PRMT3: variants seen among roughly 807,000 people sequenced by gnomAD.
PRMT3 encodes protein arginine methyltransferase 3, also known as protein arginine N-methyltransferase 3.
In PRMT3, 62 loss-of-function variants were observed where a neutral mutation model predicts 71.9. The ratio of observed to expected loss-of-function variants is 0.86; its 90% CI spans 0.70 to 1.07. PRMT3 has a LOEUF of 1.07. Among genes scored for constraint, PRMT3 ranks in the 50% least tolerant of loss-of-function variants. The pLI is 0.00. For missense variants in PRMT3, 663 were observed against 643.0 expected, an observed-to-expected ratio of 1.03 and a Z score of -0.34; for synonymous variants, 213 against 220.4, an observed-to-expected ratio of 0.97 and a Z score of 0.30.
At chr11:20,437,121 T>G (rs1234564195) in intron 10 of PRMT3, among the ~76,000 whole-genome samples, 2 of 152,120 alleles carry the variant, frequency 1.3e-5, no homozygotes, top group Non-Finnish European at 2.9e-5. Flanking sequence ...TAATGTCTCT[T>G]TGTTTCTGAT....
intron 13 of PRMT3, among the ~76,000 whole-genome samples, chr11:20,476,317 A>C (rs568996658): frequency 8.9e-4 from 135 of 152,188 alleles, no homozygotes; most frequent in Admixed American, 1.3e-3. Context: ...ACCCTATTGC[A>C]CTCCAGTCTT....
At chr11:20,401,893 T>C (rs1057093885) in intron 7 of PRMT3, among the ~76,000 whole-genome samples, 4 of 152,198 alleles carry the variant, frequency 2.6e-5, no homozygotes, top group Non-Finnish European at 5.9e-5. Flanking sequence ...GATTTACTTT[T>C]AGGCTTACAG....
rs543642747 is a variant in PRMT3, at chr11:20,500,492, C to T, written c.1486+6238C>T. Among the ~76,000 whole-genome samples, 6 of 152,282 alleles carry T rather than the reference C, an allele frequency of 3.9e-5. No homozygotes were observed. The East Asian group carries it at 7.7e-4, about 20-fold the overall frequency. ...ATCTTTATGCTGTGTTATTTCTAAA[C>T]TTACCAAAAGGTTATATTAATCTAG... On this transcript the variant is annotated intron_variant, in intron 15 of 15. Transcript: ENST00000331079.
At chr11:20,409,389 G>A (rs1275239880) in intron 9 of PRMT3, among the ~76,000 whole-genome samples, 1 of 152,078 alleles carries the variant, frequency 6.6e-6, no homozygotes, top group African/African-American at 2.4e-5. Flanking sequence ...AGTAAGATGC[G>A]TAAGTTATAA....
intron 13 of PRMT3, among the ~76,000 whole-genome samples, chr11:20,493,602 G>A (rs1261819496): frequency 6.6e-6 from 1 of 152,028 alleles, no homozygotes; most frequent in Non-Finnish European, 1.5e-5. Flanking sequence ...GGCGAGTGAG[G>A]ATCAGTGAGG....
At chr11:20,449,214 A>G (rs988504697) in intron 10 of PRMT3, among the ~76,000 whole-genome samples, 8 of 152,156 alleles carry the variant, frequency 5.3e-5, no homozygotes, top group South Asian at 2.1e-4. Flanking sequence ...TATTAGTTCT[A>G]TATATATGCT....
At chr11:20,483,913 A>C (rs1438366767) in intron 13 of PRMT3, among the ~76,000 whole-genome samples, 1 of 152,220 alleles carries the variant, frequency 6.6e-6, no homozygotes, top group East Asian at 1.9e-4. Context: ...AGATGAGGGA[A>C]TATTTCTCTG....
At chr11:20,401,764 G>A (rs1404996059) in intron 7 of PRMT3, among the ~76,000 whole-genome samples, 1 of 152,152 alleles carries the variant, frequency 6.6e-6, no homozygotes, top group Non-Finnish European at 1.5e-5. Flanking sequence ...TTTCAACCTA[G>A]GGAATCAACT....
At chr11:20,404,211 GT>G (rs71063629) in intron 8 of PRMT3, among the ~76,000 whole-genome samples, 8 of 34,332 alleles carry the variant, frequency 2.3e-4, no homozygotes, top group African/African-American at 1.1e-3. Context: ...ACTTTTCATA[GT>G]TTTTTTTTTT....
At position 20,388,043 on chromosome 11, in the gene PRMT3, A is replaced by T. The variant is rs748806306; in HGVS notation, c.53A>T (p.Glu18Val). Residue 18 changes from glutamate (E) to valine (V), a missense_variant, in exon 2 of 16, where the codon GAG becomes GTG. By Grantham distance (121) the Glu-to-Val change is moderately radical. Coordinates refer to ENST00000331079, the MANE Select transcript of PRMT3 (RefSeq NM_005788.4). ...ATGGRGAVEN[E>V]EDLPELSDSG... ...GGCGGCCGGGGCGCTGTGGAGAATG[A>T]GGAGGACCTGCCAGAACTGTCGGAC... The T allele has an allele frequency of 6.2e-7, 1 of 1,613,992 alleles. No individual in the cohort carries two copies. Among genetic ancestry groups the T allele is most frequent in the South Asian group, 1.1e-5 (1 of 91,080 alleles).
In PRMT3 at chr11:20,397,594, T is replaced by G. The variant is rs1254072776; in HGVS notation, c.578T>G (p.Phe193Cys). The G allele has an allele frequency of 1.9e-6, 3 of 1,614,124 alleles. No homozygotes were observed. The Admixed American group carries it at 5.0e-5, about 27-fold the overall frequency. Residue 193 changes from phenylalanine (F) to cysteine (C), a missense_variant, in exon 7 of 16, where the codon TTT becomes TGT. By Grantham distance (205) the Phe-to-Cys change is radical (BLOSUM62 -2). Coordinates refer to ENST00000331079, the MANE Select transcript of PRMT3 (RefSeq NM_005788.4). ...LQKMKQFAQD[F>C]VMHTDVRTCS... The stretch of plus-strand genomic sequence containing the variant: ...GATTACAGACAATTTGCTCAGGATT[T>G]TGTGATGCACACAGATGTCAGAACC...
intron 15 of PRMT3, among the ~76,000 whole-genome samples, chr11:20,498,916 A>G (rs1191662495): frequency 6.6e-6 from 1 of 152,238 alleles, no homozygotes; most frequent in Admixed American, 6.5e-5. Flanking sequence ...GACTGGAAAT[A>G]TAAGACATGT....
chr11:20,391,285 G>A (rs925726658), intron 3 of PRMT3, among the ~76,000 whole-genome samples: 6 of 150,700 alleles, frequency 4.0e-5, no homozygotes, highest in Non-Finnish European at 7.4e-5. Context: ...CGCTCTTGTT[G>A]CCCAGGCTGG....
At chr11:20,400,043 A>G (rs1343688455) in intron 7 of PRMT3, among the ~76,000 whole-genome samples, 1 of 152,222 alleles carries the variant, frequency 6.6e-6, no homozygotes, top group Admixed American at 6.5e-5. Context: ...TTGCCAAGTT[A>G]CGTGCCTTGG....
At chr11:20,402,433 C>G (rs896313428) in intron 7 of PRMT3, among the ~76,000 whole-genome samples, 1 of 151,764 alleles carries the variant, frequency 6.6e-6, no homozygotes, top group Non-Finnish European at 1.5e-5. Context: ...ATTTTTATTT[C>G]TATTTTTTTT....
intron 11 of PRMT3, among the ~76,000 whole-genome samples, chr11:20,458,646 G>A (rs1399635100): frequency 2.6e-5 from 4 of 152,166 alleles, no homozygotes; most frequent in Non-Finnish European, 5.9e-5. Context: ...CAGCTGTGAG[G>A]AGGTGGTTAT....
At chr11:20,456,389 CTAAT>C (rs1196994195) in intron 11 of PRMT3, among the ~76,000 whole-genome samples, 1 of 152,084 alleles carries the variant, frequency 6.6e-6, no homozygotes, top group Non-Finnish European at 1.5e-5. Flanking sequence ...TGATTTATTT[CTAAT>C]TAATTTTTGT....
At chr11:20,487,059 G>GA (rs11355307) in intron 13 of PRMT3, among the ~76,000 whole-genome samples, 34 of 144,996 alleles carry the variant, frequency 2.3e-4, no homozygotes, top group Middle Eastern at 3.5e-3. Context: ...TCCATCTCAA[G>GA]AAAAAAAAAA....
intron 13 of PRMT3, among the ~76,000 whole-genome samples, chr11:20,486,254 T>C (rs1270915818): frequency 6.6e-6 from 1 of 152,220 alleles, no homozygotes; most frequent in African/African-American, 2.4e-5. Flanking sequence ...GTTACACAAC[T>C]CTGAGTATAC....
Sources: allele counts gnomAD v4.1 joint callset (sites outside exome capture counted in the v4.1 genomes callset), GRCh38; gene constraint gnomAD v4.1.1; transcripts MANE v1.5; gene names NCBI Gene and HGNC (gene_info 2026-07-23, HGNC 2026-07-21).